The following ARSK variants were observed in gnomAD, a reference collection of about 807,000 sequenced individuals.
ARSK encodes arylsulfatase family member K.
ARSK carries 37 observed loss-of-function variants against 53.2 expected under a neutral mutation model. The ratio of observed to expected loss-of-function variants is 0.70; its 90% CI spans 0.54 to 0.92. ARSK has a LOEUF of 0.92. ARSK is among the 40% of genes least tolerant of loss of function. The pLI, the probability that ARSK is intolerant of heterozygous loss-of-function variation, is 0.00. For synonymous variants in ARSK, 208 were observed against 223.2 expected (o/e 0.93, Z 0.61); for missense variants, 613 against 643.0 (o/e 0.95, Z 0.51).
At chr5:95,586,768 AAAAATTATAATATT>A in intron 5 of ARSK, 35 bp downstream of exon 5, 1 of 1,511,218 alleles carries the variant, frequency 6.6e-7, no homozygotes, top group South Asian at 1.3e-5. Context: ...TTACATGAAG[AAAAATTATAATATT>A]TTTCCAACAG....
chr5:95,568,318 T>C (rs193274127), intron 3 of ARSK, among the ~76,000 whole-genome samples: 32 of 152,332 alleles, frequency 2.1e-4, no homozygotes, highest in Admixed American at 7.2e-4. Context: ...TTTATTTTCA[T>C]TGAATTTCCT....
At chr5:95,565,154 C>A (rs1189081148) in intron 1 of ARSK, among the ~76,000 whole-genome samples, 1 of 152,186 alleles carries the variant, frequency 6.6e-6, no homozygotes, top group Non-Finnish European at 1.5e-5. Context: ...TGTTCTTGCT[C>A]TTTACCAACG....
intron 5 of ARSK, among the ~76,000 whole-genome samples, chr5:95,590,812 T>C (rs1017244108): frequency 3.3e-5 from 5 of 152,234 alleles, no homozygotes; most frequent in Admixed American, 3.3e-4. Flanking sequence ...CATTATTCCC[T>C]ATCCAAGAAG....
intron 6 of ARSK, among the ~76,000 whole-genome samples, chr5:95,595,671 G>C (rs111528367): frequency 6.6e-6 from 1 of 151,990 alleles, no homozygotes; most frequent in African/African-American, 2.4e-5. Context: ...CTACTAGAAG[G>C]GAGAGGGAGG....
At position 95,555,155 on chromosome 5, in the gene ARSK, A is replaced by G; in HGVS notation, c.-124A>G. On this transcript the variant is annotated 5_prime_UTR_variant, in exon 1 of 8. Transcript: ENST00000380009. This position sits in a 1 kb window ranked among gnomAD's most constrained non-coding sequence, Gnocchi z 4.0. Reference sequence around the variant, plus strand: ...AGTTCTGCGGGTGAAGCTCGGCGTTACTATCAAGCAACCAAACTGCAAGCT... The same window carrying G: ...AGTTCTGCGGGTGAAGCTCGGCGTTGCTATCAAGCAACCAAACTGCAAGCT... 1 of 818,062 alleles carries G rather than the reference A, an allele frequency of 1.2e-6. No homozygotes were observed. The allele number at this position is 818,062 out of a possible 1,614,324, so 50.7% of individuals were successfully genotyped here.
In ARSK at chr5:95,555,287, G is replaced by C. The variant is rs1401083541; in HGVS notation, c.9G>C (p.Leu3=). 1 of 1,600,144 alleles carries C rather than the reference G, an allele frequency of 6.2e-7. No individual in the cohort carries two copies. Among genetic ancestry groups the C allele is most frequent in the African/African-American group, 1.3e-5 (1 of 74,930 alleles). The change falls in exon 1 of 8, where the codon CTG becomes CTC. Residue 3 remains leucine (L), a synonymous_variant. Coordinates refer to ENST00000380009, the MANE Select transcript of ARSK (RefSeq NM_198150.3). This position sits in a 1 kb window ranked among gnomAD's most constrained non-coding sequence, Gnocchi z 4.0. The part of the protein sequence containing the change: ML[L]LWVSVVAALA... ...CAGAACCGCTACCGGCGATGCTACT[G>C]CTGTGGGTGTCGGTGGTCGCAGCCT...
At chr5:95,564,993 C>T (rs1245681450) in intron 1 of ARSK, among the ~76,000 whole-genome samples, 1 of 152,184 alleles carries the variant, frequency 6.6e-6, no homozygotes, top group Non-Finnish European at 1.5e-5. Flanking sequence ...CAACAGCCTA[C>T]TTTATATCTC....
At chr5:95,585,133 A>G (rs1348002102) in intron 4 of ARSK, among the ~76,000 whole-genome samples, 1 of 152,224 alleles carries the variant, frequency 6.6e-6, no homozygotes, top group Non-Finnish European at 1.5e-5. Flanking sequence ...ATAATGTGAT[A>G]CCACCTTACT....
At chr5:95,573,776 A>G (rs905931719) in intron 3 of ARSK, among the ~76,000 whole-genome samples, 1 of 152,254 alleles carries the variant, frequency 6.6e-6, no homozygotes, top group Non-Finnish European at 1.5e-5. Flanking sequence ...TAGGGAGTAC[A>G]GTAGATATTT....
chr5:95,565,322 A>G (rs1179029077), intron 1 of ARSK, among the ~76,000 whole-genome samples: 2 of 152,128 alleles, frequency 1.3e-5, no homozygotes, highest in Non-Finnish European at 2.9e-5. Context: ...AGCTCAAGCT[A>G]TCCTCCCACC....
chr5:95,590,316 G>T (rs1029867043), intron 5 of ARSK, among the ~76,000 whole-genome samples: 1 of 152,152 alleles, frequency 6.6e-6, no homozygotes, highest in African/African-American at 2.4e-5. Context: ...TTCTGAGCAG[G>T]TTAGGATTGT....
At chr5:95,577,231 G>T (rs797001939) in intron 3 of ARSK, among the ~76,000 whole-genome samples, 8 of 151,998 alleles carry the variant, frequency 5.3e-5, no homozygotes, top group Admixed American at 5.2e-4. Flanking sequence ...GAAAAACAAA[G>T]GTTTACAAAA....
intron 1 of ARSK, among the ~76,000 whole-genome samples, chr5:95,559,282 C>A (rs898684265): frequency 6.6e-6 from 1 of 152,188 alleles, no homozygotes; most frequent in African/African-American, 2.4e-5. Context: ...TCCATATTCA[C>A]AGGTTCTGAA....
Position 95,600,453 on chromosome 5 carries a change from A to G in ARSK, c.1097-394A>G, listed in dbSNP as rs11951853. On this transcript the variant is annotated intron_variant, in intron 6 of 7. Coordinates refer to ENST00000380009, the MANE Select transcript of ARSK (RefSeq NM_198150.3). ...ATGAAAGAAACTTTGAGAAACAACTATGATTATTTAATCATTTAGAGAAAA... is the reference window on the plus strand; with the variant it reads ...ATGAAAGAAACTTTGAGAAACAACTGTGATTATTTAATCATTTAGAGAAAA... 8.9e-3 allele frequency among the ~76,000 whole-genome samples: 1,363 copies of G among 152,356 alleles called. 20 individuals carry two copies. The highest frequency in any genetic ancestry group is 0.03 in the African/African-American group (1,266 of 41,584).
At chr5:95,592,109 A>G (rs911324235) in intron 6 of ARSK, among the ~76,000 whole-genome samples, 1 of 152,252 alleles carries the variant, frequency 6.6e-6, no homozygotes, top group Non-Finnish European at 1.5e-5. Flanking sequence ...AAAGCAACAT[A>G]TGGATAAGGG....
chr5:95,570,134 G>A lies in ARSK; in HGVS notation c.416+2085G>A, dbSNP rs1318265034. ...TTCTTAGATGTATGTCTGATTACATGACACACTTGCTTAAAATCTTTCAAT... is the reference window on the plus strand; with the variant it reads ...TTCTTAGATGTATGTCTGATTACATAACACACTTGCTTAAAATCTTTCAAT... On this transcript the variant is annotated intron_variant, in intron 3 of 7. Transcript: ENST00000380009. Among the ~76,000 whole-genome samples the A allele has an allele frequency of 3.3e-5, 5 of 152,216 alleles. No homozygotes were observed. The East Asian group carries it at 9.6e-4, about 29-fold the overall frequency.
At position 95,588,512 on chromosome 5, in the gene ARSK, G is replaced by A. The variant is rs550918810; in HGVS notation, c.871+1779G>A. ...GCTGGGATTACAGGCATGAGCCACC[G>A]CGACTGGCCTGTAAATTTTTAAATC... On this transcript the variant is annotated intron_variant, in intron 5 of 7. Transcript: ENST00000380009. Among the ~76,000 whole-genome samples the A allele has an allele frequency of 6.7e-5, 10 of 149,210 alleles. No individual in the cohort carries two copies. In the East Asian group the frequency reaches 2.0e-3, roughly 30 times the overall value.
In ARSK at chr5:95,567,973, G is replaced by T. The variant is rs1237381119; in HGVS notation, c.340G>T (p.Asp114Tyr). 2.5e-6 allele frequency: 4 copies of T among 1,613,576 alleles called. No homozygotes were observed. The South Asian group carries it at 4.4e-5, about 18-fold the overall frequency. Residue 114 changes from aspartate to tyrosine, a missense_variant, in exon 3 of 8, where the codon GAT (aspartate) becomes TAT (tyrosine). By Grantham distance (160) the Asp-to-Tyr change is radical (BLOSUM62 -3). Transcript: ENST00000380009. Reference sequence around the variant, plus strand: ...AGATCCAAATTATACAACATGGATGGATGTCATGGAGAGGCATGGCTACCG... The same window carrying T: ...AGATCCAAATTATACAACATGGATGTATGTCATGGAGAGGCATGGCTACCG... Reference protein sequence around the residue: ...GLDPNYTTWMDVMERHGYRTQ... With the variant: ...GLDPNYTTWMYVMERHGYRTQ...
intron 3 of ARSK, among the ~76,000 whole-genome samples, chr5:95,576,200 C>CTT (rs60974669): frequency 0.023 from 2,969 of 130,216 alleles, 142 homozygotes; most frequent in African/African-American, 0.07. Context: ...AAGTGTATAC[C>CTT]TTTTTTTTTT....
Sources: allele counts gnomAD v4.1 joint callset (sites outside exome capture counted in the v4.1 genomes callset), GRCh38; gene constraint gnomAD v4.1.1; non-coding constraint Gnocchi (gnomAD v3.1); transcripts MANE v1.5; gene names NCBI Gene and HGNC (gene_info 2026-07-23, HGNC 2026-07-21).